ADAM10: variants seen among roughly 807,000 people sequenced by gnomAD.
ADAM10 encodes the protein ADAM metallopeptidase domain 10, also known as disintegrin and metalloproteinase domain-containing protein 10.
ADAM10 carries 17 observed loss-of-function variants against 90.1 expected under a neutral mutation model. The observed-to-expected ratio is 0.19, with a 90% CI of 0.13 to 0.28. ADAM10 has a LOEUF of 0.28. ADAM10 is among the 10% of genes least tolerant of loss of function. The pLI is 1.00. For synonymous variants in ADAM10, 310 were observed against 298.6 expected (o/e 1.04, Z -0.40); for missense variants, 610 against 914.3 (o/e 0.67, Z 4.29).
intron 10 of ADAM10, among the ~76,000 whole-genome samples, chr15:58,626,032 A>G (rs867425899): frequency 6.6e-6 from 1 of 152,164 alleles, no homozygotes; most frequent in Non-Finnish European, 1.5e-5. Context: ...TTATAAAACA[A>G]TGAGGGATCC....
intron 5 of ADAM10, among the ~76,000 whole-genome samples, chr15:58,662,297 G>A (rs1896987073): frequency 6.6e-6 from 1 of 152,158 alleles, no homozygotes; most frequent in South Asian, 2.1e-4. Flanking sequence ...TCTAGGGCTA[G>A]GTTAGCCCTG....
chr15:58,694,247 C>T (rs575279782), intron 2 of ADAM10, among the ~76,000 whole-genome samples: 1 of 152,098 alleles, frequency 6.6e-6, no homozygotes, highest in Non-Finnish European at 1.5e-5. Context: ...GTGAGGAGTT[C>T]AAGACCAGCC....
chr15:58,737,684 G>T (rs1899476059), intron 1 of ADAM10, among the ~76,000 whole-genome samples: 1 of 152,106 alleles, frequency 6.6e-6, no homozygotes, highest in South Asian at 2.1e-4. Context: ...CAGCCATTGT[G>T]ATTTTTTTCC....
chr15:58,692,592 C>T (rs1401637651), intron 2 of ADAM10: 1 of 555,666 alleles, frequency 1.8e-6, no homozygotes, highest in South Asian at 1.4e-5. Context: ...GAGGGTGCTT[C>T]TTCACTACTT....
chr15:58,696,468 T>TTC (rs1416700052), intron 2 of ADAM10, among the ~76,000 whole-genome samples: 18 of 148,848 alleles, frequency 1.2e-4, no homozygotes, highest in African/African-American at 4.2e-4. Flanking sequence ...CTTTCTTTCT[T>TTC]TTTTTTTTTT....
At chr15:58,692,215 G>A in intron 2 of ADAM10, 1 of 571,642 alleles carries the variant, frequency 1.7e-6, no homozygotes, top group Non-Finnish European at 3.5e-6. Flanking sequence ...GAACAGCAAT[G>A]CCCTGAATTC....
At position 58,717,613 on chromosome 15, in the gene ADAM10, T is replaced by A; in HGVS notation, c.170A>T (p.Asp57Val). Residue 57 changes from aspartate (D) to valine (V), a missense_variant, in exon 2 of 16, where the codon GAC becomes GTC. Asp to Val is a radical substitution (Grantham distance 152). Coordinates refer to ENST00000260408, the MANE Select transcript of ADAM10 (RefSeq NM_001110.4). Reference sequence around the variant, plus strand: ...ATGGAAATCTAGACGTAAAAATTGGTCTTCATGTGAGACTGCTCTTTTGGC... The same window carrying A: ...ATGGAAATCTAGACGTAAAAATTGGACTTCATGTGAGACTGCTCTTTTGGC... ...QRAKRAVSHE[D>V]QFLRLDFHAH... is the part of the protein sequence containing the mutation. 3 of 1,613,952 alleles carry A rather than the reference T, an allele frequency of 1.9e-6. No individual in the cohort carries two copies. Among genetic ancestry groups the A allele is most frequent in the Non-Finnish European group, 2.5e-6 (3 of 1,179,924 alleles).
intron 1 of ADAM10, among the ~76,000 whole-genome samples, chr15:58,727,067 C>T (rs570658596): frequency 6.6e-6 from 1 of 151,288 alleles, no homozygotes; most frequent in Non-Finnish European, 1.5e-5. Flanking sequence ...AGTGTGGTGA[C>T]GTGATCATAG....
chr15:58,693,119 G>C, intron 2 of ADAM10: 1 of 739,778 alleles, frequency 1.4e-6, no homozygotes, highest in Non-Finnish European at 2.6e-6. Flanking sequence ...TTGATTATGA[G>C]AGACATGAGT....
intron 9 of ADAM10, among the ~76,000 whole-genome samples, chr15:58,629,779 A>G (rs758920169): frequency 3.5e-5 from 5 of 143,590 alleles, no homozygotes; most frequent in Non-Finnish European, 7.5e-5. Context: ...TACAGTTATA[A>G]CTTTTTTTTT....
rs544921459 is a variant in ADAM10 at position 58,634,353 on chromosome 15, G to T, written c.1013-994C>A. 2.7e-5 allele frequency among the ~76,000 whole-genome samples: 4 copies of T among 150,142 alleles called. No homozygotes were observed. In the East Asian group the frequency reaches 7.7e-4, roughly 29 times the overall value. ...ACCATACTATTCTTGCAACCTTTCCGCAGGTTTGAAATCTTCAAAAAAAAA... is the reference window on the plus strand; with the variant it reads ...ACCATACTATTCTTGCAACCTTTCCTCAGGTTTGAAATCTTCAAAAAAAAA... On this transcript the variant is annotated intron_variant, in intron 8 of 15. Transcript: ENST00000260408.
At chr15:58,722,115 G>T (rs1284797547) in intron 1 of ADAM10, among the ~76,000 whole-genome samples, 1 of 151,858 alleles carries the variant, frequency 6.6e-6, no homozygotes, top group African/African-American at 2.4e-5. Flanking sequence ...CGAGGCGAGT[G>T]GATCACCTGA....
At chr15:58,707,928 T>C (rs1567005877) in intron 2 of ADAM10, among the ~76,000 whole-genome samples, 1 of 151,784 alleles carries the variant, frequency 6.6e-6, no homozygotes, top group Admixed American at 6.6e-5. Flanking sequence ...AATATGGAAA[T>C]TAGCCAGGCG....
chr15:58,727,443 G>T (rs1269885140), intron 1 of ADAM10, among the ~76,000 whole-genome samples: 1 of 151,916 alleles, frequency 6.6e-6, no homozygotes, highest in Non-Finnish European at 1.5e-5. Context: ...TAACCACCTC[G>T]GCCTCCCAAA....
intron 2 of ADAM10, among the ~76,000 whole-genome samples, chr15:58,711,306 T>C (rs1311297507): frequency 1.3e-5 from 2 of 152,196 alleles, no homozygotes; most frequent in African/African-American, 4.8e-5. Flanking sequence ...CAGAAAAATA[T>C]GGTTTATTAC....
intron 2 of ADAM10, among the ~76,000 whole-genome samples, chr15:58,706,141 C>T (rs1434539695): frequency 6.6e-6 from 1 of 152,098 alleles, no homozygotes; most frequent in Non-Finnish European, 1.5e-5. Context: ...CAGAAGAAAA[C>T]AAAATACAGG....
intron 3 of ADAM10, among the ~76,000 whole-genome samples, chr15:58,680,631 G>A (rs1468706453): frequency 1.3e-5 from 2 of 152,110 alleles, no homozygotes; most frequent in African/African-American, 2.4e-5. Context: ...AAAATCAAAT[G>A]ACATAAAGGG....
chr15:58,694,913 A>T (rs1897933469), intron 2 of ADAM10, among the ~76,000 whole-genome samples: 1 of 152,184 alleles, frequency 6.6e-6, no homozygotes, highest in African/African-American at 2.4e-5. Context: ...GTAAAAAGTA[A>T]TGAGGGAATT....
chr15:58,656,211 A>C (rs1896826052), intron 5 of ADAM10, among the ~76,000 whole-genome samples: 1 of 152,008 alleles, frequency 6.6e-6, no homozygotes, highest in East Asian at 1.9e-4. Flanking sequence ...TTACAGGTAA[A>C]ATGTGTTTCT....
Sources: allele counts gnomAD v4.1 joint callset (sites outside exome capture counted in the v4.1 genomes callset), GRCh38; gene constraint gnomAD v4.1.1; transcripts MANE v1.5; gene names NCBI Gene and HGNC (gene_info 2026-07-23, HGNC 2026-07-21).